Variants in ZDHHC14 observed in about 807,000 individuals in gnomAD.
The protein encoded by ZDHHC14 is palmitoyltransferase ZDHHC14.
A neutral mutation model predicts 47.7 loss-of-function variants in ZDHHC14; 16 were observed. That is an observed-to-expected ratio of 0.34 (90% CI 0.23 to 0.51). The LOEUF is 0.51. ZDHHC14 is among the 20% of genes least tolerant of loss of function. The pLI is 0.97. For synonymous variants in ZDHHC14, 293 were observed against 278.9 expected (o/e 1.05, Z -0.50); for missense variants, 515 against 662.5 (o/e 0.78, Z 2.44).
At chr6:157,664,906 A>G (rs1419093325) in intron 8 of ZDHHC14, among the ~76,000 whole-genome samples, 2 of 152,218 alleles carry the variant, frequency 1.3e-5, no homozygotes, top group Non-Finnish European at 2.9e-5. Context: ...TGAACGGACC[A>G]GAACGGCATC....
intron 1 of ZDHHC14, among the ~76,000 whole-genome samples, chr6:157,510,989 G>A (rs1020244641): frequency 6.6e-6 from 1 of 152,200 alleles, no homozygotes. Context: ...TACCTTTGTG[G>A]CTTAGAAATC....
At chr6:157,532,437 G>A (rs1217411620) in intron 1 of ZDHHC14, among the ~76,000 whole-genome samples, 4 of 152,016 alleles carry the variant, frequency 2.6e-5, no homozygotes, top group East Asian at 3.8e-4. Context: ...ATTCCTGAAC[G>A]CCTCCTTTCC....
chr6:157,393,169 G>A lies in ZDHHC14; in HGVS notation c.245+10903G>A, dbSNP rs149984987. 6.9e-3 allele frequency among the ~76,000 whole-genome samples: 1,045 copies of A among 152,246 alleles called. 15 individuals carry two copies. Among genetic ancestry groups the A allele is most frequent in the African/African-American group, 0.024 (987 of 41,548 alleles). On this transcript the variant is annotated intron_variant, in intron 1 of 8. Coordinates refer to ENST00000359775, the MANE Select transcript of ZDHHC14 (RefSeq NM_024630.3). Reference sequence around the variant, plus strand: ...GCTGGAATTACAGGCGTGAGCCACCGCACCCAGCCTATTTTAGAACAACTT... The same window carrying A: ...GCTGGAATTACAGGCGTGAGCCACCACACCCAGCCTATTTTAGAACAACTT...
chr6:157,463,275 T>C lies in ZDHHC14; in HGVS notation c.246-79310T>C, dbSNP rs550086268. Among the ~76,000 whole-genome samples, 1 of 152,074 alleles carries C rather than the reference T, an allele frequency of 6.6e-6. No individual in the cohort carries two copies. The highest frequency in any genetic ancestry group is 2.0e-4 in the East Asian group (1 of 5,008). The stretch of plus-strand genomic sequence containing the variant: ...GGAACATGGCATAGAACAATTGAAA[T>C]TGGTTTTTCAATAGAAACAATTGAA... On this transcript the variant is annotated intron_variant, in intron 1 of 8. Coordinates refer to ENST00000359775, the MANE Select transcript of ZDHHC14 (RefSeq NM_024630.3). The surrounding 1 kb of genome is among the most constrained non-coding windows in gnomAD (Gnocchi z 4.4).
At chr6:157,575,155 A>T (rs1283902153) in intron 2 of ZDHHC14, among the ~76,000 whole-genome samples, 1 of 152,134 alleles carries the variant, frequency 6.6e-6, no homozygotes, top group Admixed American at 6.5e-5. Context: ...AAGTCTTGAG[A>T]ATTTCTTCTA....
chr6:157,538,728 G>A (rs548013220), intron 1 of ZDHHC14, among the ~76,000 whole-genome samples: 28 of 152,184 alleles, frequency 1.8e-4, no homozygotes, highest in African/African-American at 6.0e-4. Flanking sequence ...TTCTGCTTAG[G>A]GGGTGAGCCC....
intron 6 of ZDHHC14, 107 bp downstream of exon 6, chr6:157,645,946 C>G (rs1216192072): frequency 1.4e-5 from 13 of 903,426 alleles, no homozygotes; most frequent in Non-Finnish European, 2.0e-5. Flanking sequence ...CATCCCGTTC[C>G]AGATGTGAGC....
At chr6:157,603,324 A>G (rs1784410554) in intron 3 of ZDHHC14, among the ~76,000 whole-genome samples, 1 of 152,234 alleles carries the variant, frequency 6.6e-6, no homozygotes, top group South Asian at 2.1e-4. Context: ...CTAACATCAT[A>G]AAGAAGTACT....
At chr6:157,441,962 A>G (rs141920261) in intron 1 of ZDHHC14, among the ~76,000 whole-genome samples, 1 of 152,386 alleles carries the variant, frequency 6.6e-6, no homozygotes, top group Non-Finnish European at 1.5e-5. Context: ...CAGTTAACTC[A>G]TGATACCAAT....
intron 2 of ZDHHC14, 83 bp downstream of exon 2, chr6:157,542,828 G>A (rs569858846): frequency 1.3e-6 from 2 of 1,495,972 alleles, no homozygotes; most frequent in East Asian, 2.4e-5. Context: ...CGAGGGCTGT[G>A]CAGGAGGAGC....
chr6:157,457,996 A>T (rs960037639), intron 1 of ZDHHC14, among the ~76,000 whole-genome samples: 5 of 152,256 alleles, frequency 3.3e-5, no homozygotes, highest in African/African-American at 1.2e-4. Context: ...ATATCTGCTT[A>T]GACTGGCTTT....
chr6:157,672,156 G>A (rs535371782), intron 8 of ZDHHC14, among the ~76,000 whole-genome samples: 34 of 152,288 alleles, frequency 2.2e-4, no homozygotes, highest in African/African-American at 7.9e-4. Flanking sequence ...CACCCATCTC[G>A]TGGATGTGTC....
intron 2 of ZDHHC14, among the ~76,000 whole-genome samples, chr6:157,584,274 G>A (rs1176150940): frequency 1.3e-5 from 2 of 152,088 alleles, no homozygotes; most frequent in African/African-American, 4.8e-5. Flanking sequence ...GGGGCTCACA[G>A]GGAAGAGACG....
rs1231434907 is a variant in ZDHHC14 at position 157,482,260 on chromosome 6, C to CTTTTTT, written c.246-60312_246-60307dup. On this transcript the variant is annotated intron_variant, in intron 1 of 8. Transcript: ENST00000359775. ...CTAACGTCTATATTTCTTTTCTTTT[C>CTTTTTT]TTTTTTTTTTTTTTTTTTGAGATGG... is the stretch of plus-strand genomic sequence containing the variant. Among the ~76,000 whole-genome samples, 238 of 127,386 alleles carry CTTTTTT rather than the reference C, an allele frequency of 1.9e-3. 1 individual carries two copies. The highest frequency in any genetic ancestry group is 4.1e-3 in the Middle Eastern group (1 of 242). The allele number at this position is 127,386 out of a possible 152,430, so 83.6% of individuals were successfully genotyped here.
At chr6:157,653,366 C>T (rs550819081) in intron 7 of ZDHHC14, among the ~76,000 whole-genome samples, 159 bp from the exon 8 acceptor site, 1 of 152,256 alleles carries the variant, frequency 6.6e-6, no homozygotes, top group East Asian at 1.9e-4. Flanking sequence ...AGAATTTGGT[C>T]ACTGATTATA....
At chr6:157,628,597 T>C in intron 4 of ZDHHC14, 111 bp downstream of exon 4, 6 of 1,399,904 alleles carry the variant, frequency 4.3e-6, no homozygotes, top group Non-Finnish European at 5.8e-6. Flanking sequence ...TCTTTCCCTT[T>C]CTTTCTCCCT....
intron 2 of ZDHHC14, among the ~76,000 whole-genome samples, chr6:157,544,482 T>C (rs1781890787): frequency 6.6e-6 from 1 of 152,078 alleles, no homozygotes; most frequent in Non-Finnish European, 1.5e-5. Flanking sequence ...ACCCCATCTC[T>C]ACTAAAAATA....
intron 5 of ZDHHC14, among the ~76,000 whole-genome samples, chr6:157,633,453 G>T (rs1776805927): frequency 6.6e-6 from 1 of 152,130 alleles, no homozygotes; most frequent in Non-Finnish European, 1.5e-5. Context: ...ATATGGGGAT[G>T]GACCATAGTA....
At chr6:157,416,807 ATTT>A (rs5881208) in intron 1 of ZDHHC14, among the ~76,000 whole-genome samples, 1 of 137,430 alleles carries the variant, frequency 7.3e-6, no homozygotes, top group African/African-American at 2.7e-5. Flanking sequence ...TTGTTAGCAA[ATTT>A]TTTTTTTTTT....
Sources: gnomAD v4.1 joint callset for allele counts (sites outside exome capture counted in the v4.1 genomes callset) on GRCh38, gnomAD v4.1.1 for gene constraint, Gnocchi (gnomAD v3.1) non-coding constraint, MANE v1.5 for transcripts, NCBI Gene and HGNC (gene_info 2026-07-23, HGNC 2026-07-21) for gene names.